Variants in RB1 observed in about 807,000 individuals in gnomAD.
RB1 encodes retinoblastoma-associated protein.
Under a neutral mutation model 135.4 loss-of-function variants are expected in RB1, and 18 were observed. That is an observed-to-expected ratio of 0.13 (90% CI 0.09 to 0.20). The LOEUF is 0.20. RB1 is among the 10% of genes least tolerant of loss of function. The pLI is 1.00. For missense variants in RB1, 868 were observed against 1,110.0 expected, an observed-to-expected ratio of 0.78 and a Z score of 3.10; for synonymous variants, 365 against 373.2, an observed-to-expected ratio of 0.98 and a Z score of 0.25.
chr13:48,376,238 C>T (rs1188874346), intron 12 of RB1, among the ~76,000 whole-genome samples: 2 of 152,058 alleles, frequency 1.3e-5, no homozygotes, highest in Non-Finnish European at 2.9e-5. Flanking sequence ...TGGTGGCTCA[C>T]ACCTGTAATC....
At position 48,348,025 on chromosome 13, in the gene RB1, CA is replaced by C. The variant is rs530072465; in HGVS notation, c.539+165del. ...CCTGTGTAGATTATTTATCTTCTCACAAAGAAAATAGTATAAAATACATGCC... is the reference window on the plus strand; with the variant it reads ...CCTGTGTAGATTATTTATCTTCTCACAAGAAAATAGTATAAAATACATGCC... On this transcript the variant is annotated intron_variant, in intron 5 of 26. Coordinates refer to ENST00000267163, the MANE Select transcript of RB1 (RefSeq NM_000321.3). Among the ~76,000 whole-genome samples, 27 of 151,586 alleles carry C rather than the reference CA, an allele frequency of 1.8e-4. No individual in the cohort carries two copies. The South Asian group carries it at 5.2e-3, about 29-fold the overall frequency.
intron 16 of RB1, 151 bp downstream of exon 16, chr13:48,380,392 T>C: frequency 1.6e-6 from 1 of 618,978 alleles, no homozygotes; most frequent in Non-Finnish European, 2.8e-6. Context: ...AATTGGTCAT[T>C]ATAAGCCATT....
chr13:48,380,312 G>A lies in RB1; in HGVS notation c.1498+71G>A, dbSNP rs954258413. 9 of 1,128,918 alleles carry A rather than the reference G, an allele frequency of 8.0e-6. No individual in the cohort carries two copies. In the African/African-American group the frequency reaches 1.1e-4, roughly 14 times the overall value. 69.9% of individuals were successfully genotyped at this position (1,128,918 alleles called of 1,614,324 possible). On this transcript the variant is annotated intron_variant, in intron 16 of 26. Coordinates refer to ENST00000267163, the MANE Select transcript of RB1 (RefSeq NM_000321.3). ...TAAAATGTGGTGTGTTTCTTTGGTC[G>A]GGGGAGAGGGATAGTGTGAGGTTAA...
At chr13:48,335,633 C>G (rs1042273956) in intron 2 of RB1, among the ~76,000 whole-genome samples, 1 of 151,334 alleles carries the variant, frequency 6.6e-6, no homozygotes, top group Non-Finnish European at 1.5e-5. Context: ...TGTTCTTTGC[C>G]CATTTTCCCC....
At chr13:48,479,235 A>G (rs1049674308) in intron 26 of RB1, among the ~76,000 whole-genome samples, 2 of 152,216 alleles carry the variant, frequency 1.3e-5, no homozygotes, top group Admixed American at 1.3e-4. Flanking sequence ...CTCAAAAAAA[A>G]AAAATCCATG....
chr13:48,459,571 T>A, intron 19 of RB1, 117 bp from the exon 20 acceptor site: 1 of 1,043,270 alleles, frequency 9.6e-7, no homozygotes. Context: ...AGAAAAGAGG[T>A]TTCTGTTAAA....
In RB1 at chr13:48,360,083, A is replaced by G. The variant is rs771567627; in HGVS notation, c.674A>G (p.Tyr225Cys). The change falls in exon 7 of 27, where the codon TAT (tyrosine) becomes TGT (cysteine). Residue 225 changes from tyrosine to cysteine, a missense_variant. Physicochemically the swap from Tyr to Cys is radical, Grantham distance 194 (BLOSUM62 -2). Transcript: ENST00000267163. The part of the protein sequence containing the change: ...SFQLMLCVLD[Y>C]FIKLSPPMLL... ...CAGTTAATGCTATGTGTCCTTGACT[A>G]TTTTATTAAACTCTCACCTCCCATG... 2 of 1,612,662 alleles carry G rather than the reference A, an allele frequency of 1.2e-6. No individual in the cohort carries two copies. Among genetic ancestry groups the G allele is most frequent in the South Asian group, 2.2e-5 (2 of 91,054 alleles).
chr13:48,316,356 G>C, intron 2 of RB1, among the ~76,000 whole-genome samples: 1 of 152,096 alleles, frequency 6.6e-6, no homozygotes, highest in Non-Finnish European at 1.5e-5. Flanking sequence ...GATTCCCGGG[G>C]AGGGCAGCTC....
At chr13:48,446,918 G>T (rs886966946) in intron 17 of RB1, among the ~76,000 whole-genome samples, 3 of 152,146 alleles carry the variant, frequency 2.0e-5, no homozygotes, top group East Asian at 3.8e-4. Context: ...TGTGGAGGTG[G>T]GTTAGGGAGT....
intron 17 of RB1, among the ~76,000 whole-genome samples, chr13:48,447,473 T>G (rs1949296503): frequency 6.6e-6 from 1 of 151,906 alleles, no homozygotes; most frequent in Non-Finnish European, 1.5e-5. Flanking sequence ...GGAAATAGAG[T>G]GTTCTTTGTA....
In RB1 at chr13:48,481,294, T is replaced by C. The variant is rs1949537039; in HGVS notation, c.*1223T>C. 1.7e-5 allele frequency: 4 copies of C among 232,176 alleles called. No homozygotes were observed. The highest frequency in any genetic ancestry group is 4.4e-5 in the African/African-American group (2 of 45,410). 14.4% of individuals were successfully genotyped at this position (232,176 alleles called of 1,614,324 possible). On this transcript the variant is annotated 3_prime_UTR_variant, in exon 27 of 27. Coordinates refer to ENST00000267163, the MANE Select transcript of RB1 (RefSeq NM_000321.3). ...GTTAGGCATTAATGTTTCTATCTGA[T>C]TTTGTGCAAAAGCTTCAAATTAAAA... is the stretch of plus-strand genomic sequence containing the variant.
intron 13 of RB1, among the ~76,000 whole-genome samples, chr13:48,378,801 A>G (rs1238302933): frequency 6.6e-6 from 1 of 152,174 alleles, no homozygotes; most frequent in Non-Finnish European, 1.5e-5. Context: ...ATTACACTAA[A>G]CAATAGGAAT....
chr13:48,380,178 G>A lies in RB1; in HGVS notation c.1435G>A (p.Asp479Asn), dbSNP rs1324397945. 1 of 1,588,272 alleles carries A rather than the reference G, an allele frequency of 6.3e-7. No homozygotes were observed. Residue 479 changes from aspartate (D) to asparagine (N), a missense_variant, in exon 16 of 27, where the codon GAC becomes AAC. Around this residue, in one of 3 missense-constraint regions of RB1, gnomAD observed 641 missense variants for 791.3 expected, o/e 0.81. Transcript: ENST00000267163. Reference sequence around the variant, plus strand: ...TTTTTCCTTTAGCAAACTTCTGAATGACAACATTTTTCATATGTCTTTATT... The same window carrying A: ...TTTTTCCTTTAGCAAACTTCTGAATAACAACATTTTTCATATGTCTTTATT... ...SIQNFSKLLN[D>N]NIFHMSLLAC...
At position 48,444,346 on chromosome 13, in the gene RB1, G is replaced by A. The variant is rs147647771; in HGVS notation, c.1696-8647G>A. Among the ~76,000 whole-genome samples, 1,461 of 152,060 alleles carry A rather than the reference G, an allele frequency of 9.6e-3. 23 individuals carry two copies. The highest frequency in any genetic ancestry group is 0.032 in the African/African-American group (1,346 of 41,502). ...AGCCTGGCCAACATGGCAAAACCCCGTCTCTACTAAAAATACAAAAATTAT... is the reference window on the plus strand; with the variant it reads ...AGCCTGGCCAACATGGCAAAACCCCATCTCTACTAAAAATACAAAAATTAT... On this transcript the variant is annotated intron_variant, in intron 17 of 26. Coordinates refer to ENST00000267163, the MANE Select transcript of RB1 (RefSeq NM_000321.3).
At chr13:48,359,161 T>C (rs1255492468) in intron 6 of RB1, among the ~76,000 whole-genome samples, 2 of 152,092 alleles carry the variant, frequency 1.3e-5, no homozygotes, top group Non-Finnish European at 2.9e-5. Context: ...GTAATAGCTG[T>C]GTTTTATCAT....
At chr13:48,324,574 G>T (rs1952268793) in intron 2 of RB1, among the ~76,000 whole-genome samples, 1 of 151,766 alleles carries the variant, frequency 6.6e-6, no homozygotes, top group Non-Finnish European at 1.5e-5. Flanking sequence ...ACATTCCATT[G>T]TTTATATGTA....
At chr13:48,317,620 A>C in intron 2 of RB1, 1 of 494,334 alleles carries the variant, frequency 2.0e-6, no homozygotes, top group Non-Finnish European at 3.2e-6. Context: ...CTGAATGTAA[A>C]CATTTCTCCT....
chr13:48,383,529 A>G (rs943365236), intron 17 of RB1, among the ~76,000 whole-genome samples: 1 of 152,122 alleles, frequency 6.6e-6, no homozygotes, highest in African/African-American at 2.4e-5. Context: ...CCTAATTTGC[A>G]CATGTAACCT....
intron 17 of RB1, among the ~76,000 whole-genome samples, chr13:48,393,343 G>A (rs564445809): frequency 1.2e-3 from 186 of 152,166 alleles, no homozygotes; most frequent in African/African-American, 4.2e-3. Flanking sequence ...TCTTCAACTG[G>A]GGGACCACTG....
Sources: gnomAD v4.1 joint callset for allele counts (sites outside exome capture counted in the v4.1 genomes callset) on GRCh38, gnomAD v4.1.1 for gene constraint, gnomAD v4.1.1 regional missense constraint, MANE v1.5 for transcripts, NCBI Gene and HGNC (gene_info 2026-07-23, HGNC 2026-07-21) for gene names.